Variants in ASCC3 observed in about 807,000 individuals in gnomAD.
ASCC3 encodes the protein activating signal cointegrator 1 complex subunit 3, also known as ASC-1 complex subunit P200.
A neutral mutation model predicts 256.3 loss-of-function variants in ASCC3; 158 were observed. The observed-to-expected ratio is 0.62, with a 90% CI of 0.54 to 0.70. ASCC3 has a LOEUF of 0.70. ASCC3 is among the 30% of genes least tolerant of loss of function. The pLI, the probability that ASCC3 is intolerant of heterozygous loss-of-function variation, is 0.00. For missense variants in ASCC3, 2,259 were observed against 2,626.0 expected, an observed-to-expected ratio of 0.86 and a Z score of 3.05; for synonymous variants, 948 against 883.4, an observed-to-expected ratio of 1.07 and a Z score of -1.30.
intron 25 of ASCC3, among the ~76,000 whole-genome samples, chr6:100,634,879 A>AG (rs1391299043): frequency 1.4e-5 from 2 of 146,930 alleles, no homozygotes; most frequent in East Asian, 3.9e-4. Context: ...AAAAAAAAAA[A>AG]AAAGAAAAGA....
chr6:100,511,843 T>C (rs548251836), intron 40 of ASCC3, among the ~76,000 whole-genome samples: 61 of 152,270 alleles, frequency 4.0e-4, no homozygotes, highest in Non-Finnish European at 6.3e-4. Flanking sequence ...AAAGAACATC[T>C]TAAGAATAGA....
intron 13 of ASCC3, among the ~76,000 whole-genome samples, chr6:100,688,277 AAAC>A (rs1374660714): frequency 3.3e-5 from 5 of 150,994 alleles, no homozygotes; most frequent in African/African-American, 4.9e-5. Flanking sequence ...TAAAAAAAAA[AAAC>A]AACAACAGGA....
intron 8 of ASCC3, among the ~76,000 whole-genome samples, chr6:100,787,650 A>C (rs1233899267): frequency 6.6e-6 from 1 of 152,152 alleles, no homozygotes; most frequent in Non-Finnish European, 1.5e-5. Context: ...AGGGAATCAA[A>C]AATAAGCTCA....
chr6:100,871,493 GCA>G lies in ASCC3; in HGVS notation c.-41-3457_-41-3456del, dbSNP rs768574099. Among the ~76,000 whole-genome samples the G allele has an allele frequency of 4.7e-4, 71 of 152,274 alleles. 1 individual carries two copies. The highest frequency in any genetic ancestry group is 4.9e-4 in the Non-Finnish European group (33 of 68,000). ...AAGAAATCCATGGACTGGGGGCCAG[GCA>G]CAGTGGTTCACACCTGTAATCCCAG... On this transcript the variant is annotated intron_variant, in intron 1 of 41. Transcript: ENST00000369162.
chr6:100,740,120 T>C (rs1194548628), intron 10 of ASCC3, among the ~76,000 whole-genome samples: 1 of 152,216 alleles, frequency 6.6e-6, no homozygotes, highest in Admixed American at 6.5e-5. Flanking sequence ...CCAGAGATTC[T>C]GGTACACTGT....
At chr6:100,650,791 C>CA in intron 19 of ASCC3, 77 bp from the exon 20 acceptor site, 4 of 1,147,038 alleles carry the variant, frequency 3.5e-6, no homozygotes, top group Non-Finnish European at 3.9e-6. Flanking sequence ...AAATACATTG[C>CA]ATGTTTTTAA....
intron 10 of ASCC3, among the ~76,000 whole-genome samples, chr6:100,743,194 G>T (rs1780515706): frequency 6.6e-6 from 1 of 152,068 alleles, no homozygotes; most frequent in Non-Finnish European, 1.5e-5. Flanking sequence ...GAGTCCTTTG[G>T]CTCTGTGCCA....
At chr6:100,758,646 A>G (rs147521622) in intron 10 of ASCC3, among the ~76,000 whole-genome samples, 2 of 152,058 alleles carry the variant, frequency 1.3e-5, no homozygotes, top group Non-Finnish European at 2.9e-5. Context: ...CATTGTTGGC[A>G]TTTGGGTTGG....
At chr6:100,858,271 T>C (rs1275172536) in intron 3 of ASCC3, 1 of 547,102 alleles carries the variant, frequency 1.8e-6, no homozygotes, top group Non-Finnish European at 2.3e-6. Flanking sequence ...GGTACAGTCA[T>C]GTGAAAAATG....
At position 100,740,439 on chromosome 6, in the gene ASCC3, T is replaced by C. The variant is rs559181652; in HGVS notation, c.1738-14736A>G. On this transcript the variant is annotated intron_variant, in intron 10 of 41. Coordinates refer to ENST00000369162, the MANE Select transcript of ASCC3 (RefSeq NM_006828.4). ...TTTTGGGTGGAGAGTTCTGTAGATA[T>C]CTATCTGGTCCACTTGATCCAAACC... is the stretch of plus-strand genomic sequence containing the variant. Among the ~76,000 whole-genome samples, 16 of 152,324 alleles carry C rather than the reference T, an allele frequency of 1.1e-4. No individual in the cohort carries two copies. The East Asian group carries it at 2.9e-3, about 28-fold the overall frequency.
At chr6:100,655,925 A>T in intron 16 of ASCC3, 107 bp from the exon 17 acceptor site, 2 of 1,311,808 alleles carry the variant, frequency 1.5e-6, no homozygotes, top group Non-Finnish European at 2.2e-6. Flanking sequence ...ATCATTATGC[A>T]GTATTTTTAA....
Position 100,509,949 on chromosome 6 carries a change from G to C in ASCC3, c.6444C>G (p.Thr2148=), listed in dbSNP as rs779492178. ...NHHVASLSFY[T]PEIPGRYIYT... is the part of the protein sequence containing the mutation. ...CTTCTTACCTTCCAGGTATTTCAGGGGTATAAAAAGAAAGGGAAGCAACAT... is the reference window on the plus strand; with the variant it reads ...CTTCTTACCTTCCAGGTATTTCAGGCGTATAAAAAGAAAGGGAAGCAACAT... Residue 2148 remains threonine (T), a synonymous_variant, in exon 41 of 42, where the codon ACC becomes ACG. Transcript: ENST00000369162. 5.6e-6 allele frequency: 9 copies of C among 1,613,612 alleles called. No individual in the cohort carries two copies. In the South Asian group the frequency reaches 9.9e-5, roughly 18 times the overall value.
intron 8 of ASCC3, among the ~76,000 whole-genome samples, chr6:100,793,918 T>C (rs139252600): frequency 7.9e-4 from 120 of 152,092 alleles, no homozygotes; most frequent in Non-Finnish European, 1.5e-3. Flanking sequence ...TTCCTCACCT[T>C]AGTAAATGGC....
chr6:100,509,130 A>T lies in ASCC3; in HGVS notation c.*256T>A. 2.1e-6 allele frequency: 1 copy of T among 476,742 alleles called. No individual in the cohort carries two copies. Among genetic ancestry groups the T allele is most frequent in the African/African-American group, 2.0e-5 (1 of 51,084 alleles). The allele number at this position is 476,742 out of a possible 1,614,324, so 29.5% of individuals were successfully genotyped here. A position where few individuals can be genotyped will look rare whatever the true frequency, so the allele number is the denominator to read the frequency against. ...ATCCCAAATATACACAAATTAAAAG[A>T]TTATTCTAAATGCTTTTTCATCTTA... is the stretch of plus-strand genomic sequence containing the variant. On this transcript the variant is annotated 3_prime_UTR_variant, in exon 42 of 42. Transcript: ENST00000369162.
intron 13 of ASCC3, among the ~76,000 whole-genome samples, chr6:100,696,722 C>A (rs1386047108): frequency 6.6e-6 from 1 of 151,844 alleles, no homozygotes; most frequent in Non-Finnish European, 1.5e-5. Flanking sequence ...ACTTAAACAA[C>A]AATAAATTAA....
At chr6:100,732,240 T>C (rs1779939545) in intron 10 of ASCC3, among the ~76,000 whole-genome samples, 1 of 150,538 alleles carries the variant, frequency 6.6e-6, no homozygotes, top group African/African-American at 2.4e-5. Flanking sequence ...ATGAACTAAA[T>C]AAATGTATTC....
intron 14 of ASCC3, among the ~76,000 whole-genome samples, chr6:100,662,786 A>G (rs1341351249): frequency 6.6e-6 from 1 of 152,090 alleles, no homozygotes; most frequent in Non-Finnish European, 1.5e-5. Flanking sequence ...TGTCTCTTTC[A>G]TCCAGATGTC....
chr6:100,691,729 T>G (rs557020178), intron 13 of ASCC3, among the ~76,000 whole-genome samples: 4 of 151,934 alleles, frequency 2.6e-5, no homozygotes, highest in Non-Finnish European at 5.9e-5. Context: ...TTAGAAAAAT[T>G]TTTTAGCAAT....
intron 11 of ASCC3, among the ~76,000 whole-genome samples, chr6:100,719,973 C>A (rs1044879540): frequency 1.3e-5 from 2 of 151,910 alleles, no homozygotes; most frequent in African/African-American, 4.8e-5. Context: ...TGCCTAATAT[C>A]ATCATGTAAG....
Sources: gnomAD v4.1 joint callset for allele counts (sites outside exome capture counted in the v4.1 genomes callset) on GRCh38, gnomAD v4.1.1 for gene constraint, MANE v1.5 for transcripts, NCBI Gene and HGNC (gene_info 2026-07-23, HGNC 2026-07-21) for gene names.